Variants in CIMIP2C observed in about 807,000 individuals in gnomAD.
CIMIP2C encodes the protein UPF0573 protein C2orf70.
At chr2:26,565,023 T>TCTTCTTCTTCTC in the CIMIP2C span, among the ~76,000 whole-genome samples, 2 of 150,796 alleles carry the variant, frequency 1.3e-5, no homozygotes, top group Non-Finnish European at 3.0e-5. Flanking sequence ...ATTTTCTTCT[T>TCTTCTTCTTCTC]CTTCTTCTTC....
the CIMIP2C span, chr2:26,578,446 T>G: frequency 4.3e-6 from 1 of 234,460 alleles, no homozygotes; most frequent in East Asian, 1.1e-4. Context: ...GAAACAGGCT[T>G]CACTGCATCT....
the CIMIP2C span, chr2:26,577,755 T>G: frequency 8.8e-6 from 6 of 682,676 alleles, no homozygotes; most frequent in Non-Finnish European, 1.5e-5. Context: ...AAACGTGCAG[T>G]GCAGAGAGTG....
At chr2:26,571,004 G>A in the CIMIP2C span, among the ~76,000 whole-genome samples, 2 of 152,172 alleles carry the variant, frequency 1.3e-5, no homozygotes, top group Admixed American at 6.5e-5. Flanking sequence ...GGTGGAGGTT[G>A]GAGGGGGCAG....
the CIMIP2C span, chr2:26,579,061 A>G: frequency 1.7e-6 from 1 of 576,148 alleles, no homozygotes; most frequent in Non-Finnish European, 3.2e-6. Context: ...AGTTAGGACC[A>G]GAGTCCGTCC....
the CIMIP2C span, chr2:26,577,768 G>T: frequency 1.6e-6 from 1 of 637,234 alleles, no homozygotes; most frequent in South Asian, 2.0e-5. Context: ...AGAGAGTGAT[G>T]GTTACAGAGC....
chr2:26,575,177 G>A, the CIMIP2C span, among the ~76,000 whole-genome samples: 75 of 152,196 alleles, frequency 4.9e-4, 3 homozygotes, highest in Admixed American at 3.1e-3. Flanking sequence ...CTCCTTGTAG[G>A]CTCTCAGAGC....
chr2:26,574,056 G>T, the CIMIP2C span, among the ~76,000 whole-genome samples: 1 of 152,250 alleles, frequency 6.6e-6, no homozygotes, highest in Non-Finnish European at 1.5e-5. Context: ...CGCCCGTTCT[G>T]TTGGTGAGGA....
At chr2:26,577,456 G>T in the CIMIP2C span, 3 of 1,430,172 alleles carry the variant, frequency 2.1e-6, no homozygotes, top group Non-Finnish European at 2.0e-6. Context: ...TGGACTGCAG[G>T]TGCCTGTGGT....
the CIMIP2C span, among the ~76,000 whole-genome samples, chr2:26,565,572 G>A: frequency 6.6e-6 from 1 of 152,168 alleles, no homozygotes; most frequent in Non-Finnish European, 1.5e-5. Context: ...AGGGAATGGG[G>A]TCGACAGTAA....
chr2:26,562,648 G>C, the CIMIP2C span: 1 of 1,586,938 alleles, frequency 6.3e-7, no homozygotes, highest in Non-Finnish European at 8.6e-7. Flanking sequence ...TACTGACCGA[G>C]TTCAATGCCG....
the CIMIP2C span, chr2:26,562,699 G>T: frequency 1.3e-6 from 2 of 1,559,618 alleles, no homozygotes; most frequent in Non-Finnish European, 1.7e-6. Flanking sequence ...AAGGCCGAGG[G>T]AGCGCCTCCT....
At chr2:26,571,746 G>A in the CIMIP2C span, among the ~76,000 whole-genome samples, 4 of 152,088 alleles carry the variant, frequency 2.6e-5, no homozygotes, top group Non-Finnish European at 4.4e-5. Flanking sequence ...AGACGAGATC[G>A]GGCGCGCTCA....
chr2:26,574,484 G>A, the CIMIP2C span, among the ~76,000 whole-genome samples: 1 of 152,144 alleles, frequency 6.6e-6, no homozygotes, highest in South Asian at 2.1e-4. Flanking sequence ...TGTCAGGGAA[G>A]GTGGGGGTGG....
the CIMIP2C span, among the ~76,000 whole-genome samples, chr2:26,565,008 A>G: frequency 6.6e-6 from 1 of 151,864 alleles, no homozygotes; most frequent in Non-Finnish European, 1.5e-5. Flanking sequence ...TGGGCCCTTC[A>G]CAACATTTTC....
chr2:26,568,312 G>C, the CIMIP2C span, among the ~76,000 whole-genome samples: 2 of 152,190 alleles, frequency 1.3e-5, no homozygotes, highest in African/African-American at 4.8e-5. Flanking sequence ...CTCTGCTGCA[G>C]TATCTTCTCT....
chr2:26,577,612 C>G, the CIMIP2C span: 1 of 1,613,716 alleles, frequency 6.2e-7, no homozygotes. Flanking sequence ...GGAACGGTAC[C>G]CCCTCCCCAC....
the CIMIP2C span, among the ~76,000 whole-genome samples, chr2:26,575,469 T>C: frequency 1.3e-5 from 2 of 152,126 alleles, no homozygotes; most frequent in Non-Finnish European, 2.9e-5. Context: ...CAGCATTGAC[T>C]GGGGGGGTAT....
At chr2:26,567,681 G>T in the CIMIP2C span, among the ~76,000 whole-genome samples, 1 of 152,222 alleles carries the variant, frequency 6.6e-6, no homozygotes, top group African/African-American at 2.4e-5. Context: ...ACAGGCCAGT[G>T]CATCTTGGGG....
At chr2:26,570,942 G>A in the CIMIP2C span, among the ~76,000 whole-genome samples, 1 of 152,144 alleles carries the variant, frequency 6.6e-6, no homozygotes, top group Non-Finnish European at 1.5e-5. Flanking sequence ...GGTCAGATGT[G>A]GAGGGTGATG....
Sources: gnomAD v4.1 joint callset for allele counts (sites outside exome capture counted in the v4.1 genomes callset) on GRCh38, gnomAD v4.1.1 for gene constraint, MANE v1.5 for transcripts, NCBI Gene and HGNC (gene_info 2026-07-23, HGNC 2026-07-21) for gene names.